The following DTNA variants were observed in gnomAD, a reference collection of about 807,000 sequenced individuals.
The protein encoded by DTNA is dystrobrevin alpha.
A neutral mutation model predicts 100.7 loss-of-function variants in DTNA; 43 were observed. The ratio of observed to expected loss-of-function variants is 0.43; its 90% confidence interval spans 0.33 to 0.55. The LOEUF is 0.55. DTNA is among the 20% of genes least tolerant of loss of function. DTNA has a pLI of 0.04. For missense variants in DTNA, 798 were observed against 953.9 expected (o/e 0.84, Z 2.15); for synonymous variants, 349 against 347.9 (o/e 1.00, Z -0.04).
chr18:34,570,543 A>G (rs2047488370), intron 1 of DTNA, among the ~76,000 whole-genome samples: 1 of 152,214 alleles, frequency 6.6e-6, no homozygotes, highest in African/African-American at 2.4e-5. Context: ...TGACTTACCA[A>G]ATGTTTACTC....
chr18:34,653,163 G>A (rs935616582), intron 1 of DTNA, among the ~76,000 whole-genome samples: 8 of 151,938 alleles, frequency 5.3e-5, no homozygotes, highest in African/African-American at 1.5e-4. Context: ...TATCAGCTCC[G>A]TACTATGCAT....
At chr18:34,660,950 T>C (rs1393803112) in intron 1 of DTNA, among the ~76,000 whole-genome samples, 1 of 152,216 alleles carries the variant, frequency 6.6e-6, no homozygotes, top group African/African-American at 2.4e-5. Context: ...GCACATGTTC[T>C]CAGGAGACAG....
chr18:34,751,271 CAT>C (rs778264805), intron 1 of DTNA, among the ~76,000 whole-genome samples: 19 of 152,250 alleles, frequency 1.2e-4, no homozygotes, highest in Non-Finnish European at 2.8e-4. Context: ...TAATGCAACA[CAT>C]GAGTCTCACT....
chr18:34,773,422 AGAGG>A (rs1466629358), intron 3 of DTNA, among the ~76,000 whole-genome samples: 1 of 152,220 alleles, frequency 6.6e-6, no homozygotes, highest in East Asian at 1.9e-4. Context: ...TATTTAAAAG[AGAGG>A]GATCAGAGGA....
At chr18:34,669,152 G>A (rs2076374959) in intron 1 of DTNA, among the ~76,000 whole-genome samples, 1 of 152,184 alleles carries the variant, frequency 6.6e-6, no homozygotes, top group Non-Finnish European at 1.5e-5. Context: ...AGCACTTCTT[G>A]TTAAATCGAT....
intron 4 of DTNA, among the ~76,000 whole-genome samples, chr18:34,805,336 T>C (rs2095332693): frequency 6.6e-6 from 1 of 152,176 alleles, no homozygotes; most frequent in Non-Finnish European, 1.5e-5. Flanking sequence ...GCTTTTACTT[T>C]TTTTTTAAGA....
chr18:34,647,588 C>A (rs575446585), intron 1 of DTNA, among the ~76,000 whole-genome samples: 164 of 152,266 alleles, frequency 1.1e-3, no homozygotes, highest in African/African-American at 3.9e-3. Context: ...CCACACCTAC[C>A]GTTCCATATG....
intron 1 of DTNA, among the ~76,000 whole-genome samples, chr18:34,505,661 A>G (rs890158435): frequency 2.0e-5 from 3 of 151,852 alleles, no homozygotes; most frequent in African/African-American, 4.8e-5. Flanking sequence ...ATTTTTTTCA[A>G]TTCTAAAATT....
chr18:34,754,988 A>T (rs28696290), intron 1 of DTNA, among the ~76,000 whole-genome samples: 153 of 152,322 alleles, frequency 1.0e-3, no homozygotes, highest in African/African-American at 3.5e-3. Context: ...TTTGAGAAAG[A>T]GCAGGGGCCA....
At chr18:34,596,027 A>T (rs1032211621) in intron 1 of DTNA, among the ~76,000 whole-genome samples, 5 of 152,200 alleles carry the variant, frequency 3.3e-5, no homozygotes. Flanking sequence ...TGACTTTTCT[A>T]TGAAGCACAG....
chr18:34,698,123 G>T (rs374107928), intron 1 of DTNA, among the ~76,000 whole-genome samples: 2 of 151,996 alleles, frequency 1.3e-5, no homozygotes, highest in Non-Finnish European at 2.9e-5. Flanking sequence ...CTCTCCACTC[G>T]TCCTGTGCCC....
chr18:34,544,278 T>A (rs544805170), intron 1 of DTNA, among the ~76,000 whole-genome samples: 46 of 152,180 alleles, frequency 3.0e-4, no homozygotes, highest in Non-Finnish European at 4.4e-4. Flanking sequence ...CACACTATAG[T>A]GTTATATATT....
intron 3 of DTNA, among the ~76,000 whole-genome samples, chr18:34,777,964 C>T (rs563316597): frequency 3.9e-5 from 6 of 152,280 alleles, no homozygotes; most frequent in African/African-American, 1.4e-4. Flanking sequence ...AAATCTTAAC[C>T]CTCATCATTG....
intron 3 of DTNA, among the ~76,000 whole-genome samples, chr18:34,780,612 A>T (rs968456320): frequency 1.3e-5 from 2 of 152,230 alleles, no homozygotes; most frequent in Non-Finnish European, 2.9e-5. Context: ...ATGTAACTAA[A>T]CAAGAATCAG....
At chr18:34,622,614 C>T (rs1214457865) in intron 1 of DTNA, among the ~76,000 whole-genome samples, 1 of 152,222 alleles carries the variant, frequency 6.6e-6, no homozygotes, top group Non-Finnish European at 1.5e-5. Context: ...AATCTGCTGG[C>T]AGCCCAGAGA....
At chr18:34,883,445 G>A (rs1054098162) in intron 21 of DTNA, among the ~76,000 whole-genome samples, 12 of 152,140 alleles carry the variant, frequency 7.9e-5, no homozygotes, top group Admixed American at 3.3e-4. Flanking sequence ...CTGTAGCTGG[G>A]ACTACAGGTG....
intron 15 of DTNA, among the ~76,000 whole-genome samples, chr18:34,854,395 A>G (rs1471632178): frequency 2.6e-5 from 4 of 152,230 alleles, no homozygotes; most frequent in African/African-American, 9.6e-5. Flanking sequence ...CACAAAGTCA[A>G]CCAATAATAT....
chr18:34,769,880 C>T (rs1489252508), intron 3 of DTNA, among the ~76,000 whole-genome samples: 1 of 151,276 alleles, frequency 6.6e-6, no homozygotes, highest in Non-Finnish European at 1.5e-5. Flanking sequence ...CACCACCACG[C>T]CCAGCTAATT....
At chr18:34,815,638 A>G (rs1602551148) in intron 6 of DTNA, 2 of 401,640 alleles carry the variant, frequency 5.0e-6, no homozygotes, top group East Asian at 1.1e-4. Flanking sequence ...ATATATACAA[A>G]TGATGCTCTT....
Sources: gnomAD v4.1 joint callset for allele counts (sites outside exome capture counted in the v4.1 genomes callset) on GRCh38, gnomAD v4.1.1 for gene constraint, MANE v1.5 for transcripts, NCBI Gene and HGNC (gene_info 2026-07-23, HGNC 2026-07-21) for gene names.